MAN1A2: variants seen among roughly 807,000 people sequenced by gnomAD.
The protein encoded by MAN1A2 is mannosyl-oligosaccharide 1,2-alpha-mannosidase IB.
In MAN1A2, 26 loss-of-function variants were observed where a neutral mutation model predicts 75.7. That is an observed-to-expected ratio of 0.34 (90% CI 0.25 to 0.48). The LOEUF is 0.48. Ranked by LOEUF, MAN1A2 falls within the 20% of genes least tolerant of loss-of-function variation. The probability of loss-of-function intolerance (pLI) is 0.99; values close to 1 mark genes in which losing one functional copy is unlikely to be tolerated. For synonymous variants in MAN1A2, 247 were observed against 264.6 expected (o/e 0.93, Z 0.65); for missense variants, 562 against 775.5 (o/e 0.72, Z 3.27).
intron 1 of MAN1A2, among the ~76,000 whole-genome samples, chr1:117,398,701 G>T (rs1647299146): frequency 6.6e-6 from 1 of 151,884 alleles, no homozygotes; most frequent in Admixed American, 6.6e-5. Context: ...CTGAAAGAAG[G>T]TGTGTGGCTG....
In MAN1A2 at chr1:117,525,028, T is replaced by C. The variant is rs1374811360; in HGVS notation, c.*2071T>C. 2.1e-6 allele frequency: 1 copy of C among 473,268 alleles called. No individual in the cohort carries two copies. Among genetic ancestry groups the C allele is most frequent in the African/African-American group, 2.0e-5 (1 of 50,518 alleles). The allele number at this position is 473,268 out of a possible 1,614,324, so 29.3% of individuals were successfully genotyped here. ...GCAGTGCAGATGGCAATGAACTCTC[T>C]GAATTCTCTTTTACCTTATTTAGAA... On this transcript the variant is annotated 3_prime_UTR_variant, in exon 13 of 13. Coordinates refer to ENST00000356554, the MANE Select transcript of MAN1A2 (RefSeq NM_006699.5).
intron 8 of MAN1A2, among the ~76,000 whole-genome samples, chr1:117,486,459 G>C (rs1244451998): frequency 1.3e-5 from 2 of 151,844 alleles, no homozygotes; most frequent in Non-Finnish European, 2.9e-5. Flanking sequence ...TCAAAAAAGG[G>C]ATCCCACAGG....
At chr1:117,458,523 A>ATATAGATATAGATATAGATAT (rs1553236643) in intron 6 of MAN1A2, among the ~76,000 whole-genome samples, 2 of 105,612 alleles carry the variant, frequency 1.9e-5, no homozygotes, top group Admixed American at 9.7e-5. Flanking sequence ...ATATATATAT[A>ATATAGATATAGATATAGATAT]TTTTTTTTTT....
intron 8 of MAN1A2, among the ~76,000 whole-genome samples, chr1:117,492,767 C>T (rs1472942592): frequency 6.6e-6 from 1 of 151,942 alleles, no homozygotes; most frequent in Non-Finnish European, 1.5e-5. Context: ...TGCTTAACAT[C>T]AGCTTTAAGT....
intron 5 of MAN1A2, among the ~76,000 whole-genome samples, chr1:117,424,441 T>C (rs193033056): frequency 6.6e-6 from 1 of 152,340 alleles, no homozygotes; most frequent in East Asian, 1.9e-4. Context: ...TCTGCTCCTT[T>C]AACTCTCCAC....
chr1:117,487,353 C>A (rs1337665100), intron 8 of MAN1A2, among the ~76,000 whole-genome samples: 1 of 151,900 alleles, frequency 6.6e-6, no homozygotes, highest in African/African-American at 2.4e-5. Flanking sequence ...GGAGGAAGGT[C>A]TCTAGCGGAG....
intron 6 of MAN1A2, among the ~76,000 whole-genome samples, chr1:117,458,523 A>ATATTTTTTTTTTTTTTT (rs1553236643): frequency 2.9e-4 from 31 of 105,570 alleles, no homozygotes; most frequent in Non-Finnish European, 4.8e-4. Flanking sequence ...ATATATATAT[A>ATATTTTTTTTTTTTTTT]TTTTTTTTTT....
rs550410387 is a variant in MAN1A2, at chr1:117,483,367, A to G, written c.1169-9780A>G. ...TTCATGATAGTGGTTCTTCCTATCA[A>G]TGAGCATGGAATATTCTTCCATTTG... On this transcript the variant is annotated intron_variant, in intron 8 of 12. Coordinates refer to ENST00000356554, the MANE Select transcript of MAN1A2 (RefSeq NM_006699.5). Among the ~76,000 whole-genome samples, 4 of 152,262 alleles carry G rather than the reference A, an allele frequency of 2.6e-5. No individual in the cohort carries two copies. The South Asian group carries it at 6.2e-4, about 24-fold the overall frequency.
At chr1:117,434,162 T>C (rs888270652) in intron 5 of MAN1A2, among the ~76,000 whole-genome samples, 1 of 152,314 alleles carries the variant, frequency 6.6e-6, no homozygotes, top group African/African-American at 2.4e-5. Context: ...ACCACAGTAT[T>C]GTGAAACTAT....
intron 1 of MAN1A2, 73 bp downstream of exon 1, chr1:117,368,558 T>G: frequency 6.8e-6 from 9 of 1,321,766 alleles, no homozygotes; most frequent in Middle Eastern, 3.8e-4. Flanking sequence ...GAATCTGTCT[T>G]TTTTTTTTCT....
chr1:117,399,137 G>A (rs1311410942), intron 1 of MAN1A2, among the ~76,000 whole-genome samples: 1 of 152,188 alleles, frequency 6.6e-6, no homozygotes, highest in African/African-American at 2.4e-5. Context: ...ATGCCCATGT[G>A]CGTGGTGAAG....
At chr1:117,457,317 A>G (rs923343452) in intron 6 of MAN1A2, among the ~76,000 whole-genome samples, 1 of 152,036 alleles carries the variant, frequency 6.6e-6, no homozygotes, top group African/African-American at 2.4e-5. Context: ...CTGAGTATAT[A>G]CGTAAATTTT....
intron 5 of MAN1A2, among the ~76,000 whole-genome samples, chr1:117,422,586 G>A (rs1648232141): frequency 6.6e-6 from 1 of 152,000 alleles, no homozygotes; most frequent in African/African-American, 2.4e-5. Flanking sequence ...ACTTTGTATT[G>A]TGAGTCTCTT....
chr1:117,469,144 G>C (rs567226967), intron 8 of MAN1A2, among the ~76,000 whole-genome samples: 1 of 152,184 alleles, frequency 6.6e-6, no homozygotes, highest in African/African-American at 2.4e-5. Context: ...CTGCACTCCA[G>C]CCTGGGTGAC....
In MAN1A2 at chr1:117,524,970, G is replaced by A. The variant is rs1356332325; in HGVS notation, c.*2013G>A. On this transcript the variant is annotated 3_prime_UTR_variant, in exon 13 of 13. Coordinates refer to ENST00000356554, the MANE Select transcript of MAN1A2 (RefSeq NM_006699.5). ...CCCACTTATGAATCACTGAGAAAAAGTGAAAAACTTGAGTTGGCAAAGATG... is the reference window on the plus strand; with the variant it reads ...CCCACTTATGAATCACTGAGAAAAAATGAAAAACTTGAGTTGGCAAAGATG... 1 of 355,814 alleles carries A rather than the reference G, an allele frequency of 2.8e-6. No individual in the cohort carries two copies. Among genetic ancestry groups the A allele is most frequent in the Non-Finnish European group, 5.8e-6 (1 of 172,006 alleles). 22.0% of individuals were successfully genotyped at this position (355,814 alleles called of 1,614,324 possible). A position where few individuals can be genotyped will look rare whatever the true frequency, so the allele number is the denominator to read the frequency against.
chr1:117,432,890 T>C (rs1648717590), intron 5 of MAN1A2, among the ~76,000 whole-genome samples: 1 of 148,552 alleles, frequency 6.7e-6, no homozygotes, highest in Non-Finnish European at 1.5e-5. Flanking sequence ...AAGATATATA[T>C]ATTATATATA....
At chr1:117,414,859 T>C in intron 4 of MAN1A2, 28 bp downstream of exon 4, 1 of 1,303,712 alleles carries the variant, frequency 7.7e-7, no homozygotes, top group Non-Finnish European at 1.1e-6. Flanking sequence ...AACTAATCTC[T>C]TAGATTAACC....
intron 1 of MAN1A2, among the ~76,000 whole-genome samples, chr1:117,384,837 T>C (rs1237230136): frequency 6.6e-6 from 1 of 152,206 alleles, no homozygotes; most frequent in East Asian, 1.9e-4. Flanking sequence ...ACCATCCTTA[T>C]GCTTTCAAGT....
chr1:117,412,638 C>G (rs1041039862), intron 3 of MAN1A2, among the ~76,000 whole-genome samples: 3 of 151,800 alleles, frequency 2.0e-5, no homozygotes, highest in South Asian at 2.1e-4. Flanking sequence ...CACTTGCTCT[C>G]ATACTAAATT....
Sources: allele counts gnomAD v4.1 joint callset (sites outside exome capture counted in the v4.1 genomes callset), GRCh38; gene constraint gnomAD v4.1.1; transcripts MANE v1.5; gene names NCBI Gene and HGNC (gene_info 2026-07-23, HGNC 2026-07-21).